The following MLLT10 variants were observed in gnomAD, a reference collection of about 807,000 sequenced individuals.
The protein encoded by MLLT10 is MLLT10 histone lysine methyltransferase DOT1L cofactor.
Under a neutral mutation model 129.1 loss-of-function variants are expected in MLLT10, and 30 were observed. That is an observed-to-expected ratio of 0.23 (90% CI 0.17 to 0.32). The LOEUF (loss-of-function observed/expected upper bound fraction) is 0.32, where lower values mean the gene tolerates loss of function less well. Among genes scored for constraint, MLLT10 ranks in the 10% least tolerant of loss-of-function variants. The pLI, the probability that MLLT10 is intolerant of heterozygous loss-of-function variation, is 1.00. For missense variants in MLLT10, 1,119 were observed against 1,268.3 expected (o/e 0.88, Z 1.79); for synonymous variants, 490 against 446.4 (o/e 1.10, Z -1.23).
chr10:21,568,624 T>TATTTTATTTCATTTCATTTC (rs1364749396), intron 3 of MLLT10, among the ~76,000 whole-genome samples: 1 of 152,214 alleles, frequency 6.6e-6, no homozygotes, highest in Non-Finnish European at 1.5e-5. Context: ...TTGGTTATTT[T>TATTTTATTTCATTTCATTTC]ATTTTATTTC....
Position 21,726,326 on chromosome 10 carries a change from T to TTATA in MLLT10, c.1962_1965dup (p.Ala656TyrfsTer5). On this transcript the variant is annotated frameshift_variant, in exon 15 of 23. Transcript: ENST00000307729. LOFTEE classifies it high-confidence loss of function. ...AGATCAAATTCATCAATGGCAGCTC[T>TTATA]TATAGCTCAGTCTGAAAACAATCAA... The TTATA allele has an allele frequency of 6.2e-7, 1 of 1,612,388 alleles. No homozygotes were observed. The highest frequency in any genetic ancestry group is 8.5e-7 in the Non-Finnish European group (1 of 1,178,650).
chr10:21,623,048 A>G (rs956905889), intron 8 of MLLT10, among the ~76,000 whole-genome samples: 3 of 152,232 alleles, frequency 2.0e-5, no homozygotes, highest in Non-Finnish European at 2.9e-5. Flanking sequence ...ACATAGGACA[A>G]GTTATGGGGA....
At chr10:21,688,417 T>C (rs933324938) in intron 13 of MLLT10, 70 of 1,272,848 alleles carry the variant, frequency 5.5e-5, no homozygotes, top group Non-Finnish European at 7.5e-5. Context: ...CTTCAGTTTT[T>C]CAACTTGTCT....
intron 13 of MLLT10, among the ~76,000 whole-genome samples, chr10:21,691,160 A>G (rs1185100597): frequency 1.3e-5 from 2 of 152,164 alleles, no homozygotes; most frequent in African/African-American, 4.8e-5. Flanking sequence ...TCTTGATAAT[A>G]CTTTTTTTTC....
chr10:21,691,002 A>C (rs983032360), intron 13 of MLLT10, among the ~76,000 whole-genome samples: 3 of 152,200 alleles, frequency 2.0e-5, no homozygotes, highest in Non-Finnish European at 4.4e-5. Flanking sequence ...ATTTAAAAAT[A>C]ATAACTGCCA....
At chr10:21,548,316 T>G (rs2036433768) in intron 3 of MLLT10, among the ~76,000 whole-genome samples, 2 of 152,088 alleles carry the variant, frequency 1.3e-5, no homozygotes, top group African/African-American at 2.4e-5. Context: ...AGGTATATGT[T>G]TGGGATTTTC....
In MLLT10 at chr10:21,742,504, C is replaced by G. The variant is rs1356251000; in HGVS notation, c.*521C>G. ...AGTATTACAAATATATAGCACATCA[C>G]CTGGGACTTGGCAATCTTTGTTAAA... is the stretch of plus-strand genomic sequence containing the variant. On this transcript the variant is annotated 3_prime_UTR_variant, in exon 23 of 23. Transcript: ENST00000307729. 3 of 215,350 alleles carry G rather than the reference C, an allele frequency of 1.4e-5. No homozygotes were observed. The East Asian group carries it at 2.1e-4, about 15-fold the overall frequency. The allele number at this position is 215,350 out of a possible 1,614,324, so 13.3% of individuals were successfully genotyped here. A position where few individuals can be genotyped will look rare whatever the true frequency, so the allele number is the denominator to read the frequency against.
intron 8 of MLLT10, among the ~76,000 whole-genome samples, chr10:21,639,933 GA>G (rs2047820424): frequency 6.6e-6 from 1 of 151,784 alleles, no homozygotes; most frequent in Non-Finnish European, 1.5e-5. Context: ...GGAAAGGTCC[GA>G]AAGAGAGAGA....
intron 8 of MLLT10, among the ~76,000 whole-genome samples, chr10:21,623,387 G>A (rs2046094504): frequency 6.6e-6 from 1 of 152,118 alleles, no homozygotes; most frequent in Admixed American, 6.5e-5. Flanking sequence ...ATGAGCACTA[G>A]GGGAATTCAA....
Position 21,597,923 on chromosome 10 carries a change from G to A in MLLT10, c.405+2483G>A, listed in dbSNP as rs1159792671. Among the ~76,000 whole-genome samples, 5 of 152,246 alleles carry A rather than the reference G, an allele frequency of 3.3e-5. No homozygotes were observed. In the East Asian group the frequency reaches 5.8e-4, roughly 18 times the overall value. ...TTTTCCTTGATCACTTGGTTAAGGTGTGTCTGTCAGTTTTCTCCACAGTGA... is the reference window on the plus strand; with the variant it reads ...TTTTCCTTGATCACTTGGTTAAGGTATGTCTGTCAGTTTTCTCCACAGTGA... On this transcript the variant is annotated intron_variant, in intron 5 of 22. Transcript: ENST00000307729.
chr10:21,685,268 A>G (rs970043190), intron 13 of MLLT10, among the ~76,000 whole-genome samples: 1 of 152,200 alleles, frequency 6.6e-6, no homozygotes, highest in Non-Finnish European at 1.5e-5. Flanking sequence ...ACTTTATAAA[A>G]CTAAAATTTA....
intron 8 of MLLT10, among the ~76,000 whole-genome samples, chr10:21,633,141 G>A (rs936016922): frequency 1.3e-5 from 2 of 152,132 alleles, no homozygotes; most frequent in African/African-American, 4.8e-5. Context: ...GCATTATGTT[G>A]TGTCTCAGTT....
intron 13 of MLLT10, among the ~76,000 whole-genome samples, chr10:21,709,572 C>G (rs745676831): frequency 7.2e-5 from 11 of 152,196 alleles, no homozygotes; most frequent in Non-Finnish European, 1.3e-4. Flanking sequence ...ACACTGAATT[C>G]AGTAGAAACT....
chr10:21,671,831 T>C (rs923945774), intron 10 of MLLT10, among the ~76,000 whole-genome samples: 1 of 152,058 alleles, frequency 6.6e-6, no homozygotes, highest in African/African-American at 2.4e-5. Context: ...TGTCTGCCTG[T>C]GGCCCCAGCT....
rs559249879 is a variant in MLLT10, at chr10:21,701,911, TTCTCGTCTCG to T, written c.1700-11846_1700-11837del. 3.6e-4 allele frequency among the ~76,000 whole-genome samples: 54 copies of T among 150,366 alleles called. No individual in the cohort carries two copies. In the East Asian group the frequency reaches 3.9e-3, roughly 11 times the overall value. ...GTTATGTTATTTCTCTTCTCTTCTC[TTCTCGTCTCG>T]TCTCGTCTCGTCTCTCTTTTTTTTG... On this transcript the variant is annotated intron_variant, in intron 13 of 22. Transcript: ENST00000307729.
chr10:21,620,395 C>A (rs2045691147), intron 8 of MLLT10, among the ~76,000 whole-genome samples: 1 of 152,178 alleles, frequency 6.6e-6, no homozygotes, highest in Non-Finnish European at 1.5e-5. Flanking sequence ...AGACTGTACA[C>A]TGGTATGAAA....
At chr10:21,638,722 G>A (rs1420656632) in intron 8 of MLLT10, among the ~76,000 whole-genome samples, 2 of 152,066 alleles carry the variant, frequency 1.3e-5, no homozygotes, top group African/African-American at 4.8e-5. Context: ...ACTACATGTG[G>A]CCATTGAGGC....
At chr10:21,632,908 T>C (rs1292420757) in intron 8 of MLLT10, among the ~76,000 whole-genome samples, 1 of 152,204 alleles carries the variant, frequency 6.6e-6, no homozygotes, top group Non-Finnish European at 1.5e-5. Context: ...AGTATTATAA[T>C]ACATAACCTG....
At chr10:21,624,175 T>C (rs2046186006) in intron 8 of MLLT10, among the ~76,000 whole-genome samples, 1 of 152,222 alleles carries the variant, frequency 6.6e-6, no homozygotes, top group Non-Finnish European at 1.5e-5. Context: ...CTTTAATTTC[T>C]TAAAACTACT....
Sources: allele counts gnomAD v4.1 joint callset (sites outside exome capture counted in the v4.1 genomes callset), GRCh38; gene constraint gnomAD v4.1.1; transcripts MANE v1.5; gene names NCBI Gene and HGNC (gene_info 2026-07-23, HGNC 2026-07-21).